Variants in SNX29 observed in about 807,000 individuals in gnomAD.
SNX29 encodes the protein sorting nexin 29.
Under a neutral mutation model 102.1 loss-of-function variants are expected in SNX29, and 78 were observed. The observed-to-expected ratio is 0.76, with a 90% CI of 0.64 to 0.92. The LOEUF (loss-of-function observed/expected upper bound fraction) is 0.92. Ranked by LOEUF, SNX29 falls within the 40% of genes least tolerant of loss-of-function variation. The pLI is 0.00. For synonymous variants in SNX29, 580 were observed against 414.5 expected (o/e 1.40, Z -4.85); for missense variants, 1,280 against 1,061.7 (o/e 1.21, Z -2.86).
intron 13 of SNX29, among the ~76,000 whole-genome samples, chr16:12,199,137 C>A (rs1170634954): frequency 6.6e-6 from 1 of 152,202 alleles, no homozygotes; most frequent in Non-Finnish European, 1.5e-5. Context: ...AGATTCTATA[C>A]AGACACTTGA....
intron 19 of SNX29, among the ~76,000 whole-genome samples, chr16:12,516,259 C>T (rs907947214): frequency 3.9e-5 from 6 of 151,974 alleles, no homozygotes; most frequent in Non-Finnish European, 5.9e-5. Context: ...GAGGGAGGCT[C>T]GCTTAAGCCC....
At chr16:12,060,152 AAC>A (rs1491516257) in intron 8 of SNX29, among the ~76,000 whole-genome samples, 1 of 152,142 alleles carries the variant, frequency 6.6e-6, no homozygotes, top group African/African-American at 2.4e-5. Flanking sequence ...ACCAAAAAAA[AAC>A]CAATAAAAAT....
At chr16:12,277,392 G>A (rs2079285237) in intron 14 of SNX29, among the ~76,000 whole-genome samples, 1 of 151,820 alleles carries the variant, frequency 6.6e-6, no homozygotes, top group Non-Finnish European at 1.5e-5. Context: ...GGTGACAGAG[G>A]AGACCCCATC....
chr16:12,496,529 T>TTTTA (rs1384093862), intron 19 of SNX29, among the ~76,000 whole-genome samples: 1 of 139,772 alleles, frequency 7.2e-6, no homozygotes, highest in African/African-American at 2.6e-5. Context: ...TTTTTTTTTT[T>TTTTA]AAACCTAGTC....
chr16:12,006,552 A>G (rs554762916), intron 3 of SNX29, among the ~76,000 whole-genome samples: 2 of 150,080 alleles, frequency 1.3e-5, no homozygotes, highest in Non-Finnish European at 3.0e-5. Context: ...TAATAGTTAT[A>G]GTTTGTGACT....
At chr16:12,152,402 A>G (rs1178711387) in intron 13 of SNX29, among the ~76,000 whole-genome samples, 1 of 152,182 alleles carries the variant, frequency 6.6e-6, no homozygotes, top group Non-Finnish European at 1.5e-5. Flanking sequence ...TGGTCATTTC[A>G]AGGTTTGGCC....
intron 15 of SNX29, among the ~76,000 whole-genome samples, chr16:12,336,280 T>C (rs998374823): frequency 2.0e-5 from 3 of 152,174 alleles, no homozygotes; most frequent in African/African-American, 7.2e-5. Flanking sequence ...GTATTCAGAA[T>C]AGACTCTCTG....
intron 15 of SNX29, among the ~76,000 whole-genome samples, chr16:12,301,906 T>A (rs567144770): frequency 6.6e-6 from 1 of 152,342 alleles, no homozygotes; most frequent in South Asian, 2.1e-4. Flanking sequence ...ACTATCACTT[T>A]CCTCCTTACC....
At position 12,573,265 on chromosome 16, in the gene SNX29, G is replaced by A; in HGVS notation, c.*4636G>A. On this transcript the variant is annotated 3_prime_UTR_variant, in exon 21 of 21. Coordinates refer to ENST00000566228, the MANE Select transcript of SNX29 (RefSeq NM_032167.5). ...AATGTACCTCGATCAGTCATCTCTG[G>A]TATTCCTCACTCTAGCCATGAGCCA... 1 of 227,546 alleles carries A rather than the reference G, an allele frequency of 4.4e-6. No homozygotes were observed. Among genetic ancestry groups the A allele is most frequent in the Middle Eastern group, 1.3e-3 (1 of 752 alleles). The allele number at this position is 227,546 out of a possible 1,614,324, so 14.1% of individuals were successfully genotyped here.
At chr16:12,539,956 C>T (rs894138361) in intron 20 of SNX29, among the ~76,000 whole-genome samples, 4 of 152,194 alleles carry the variant, frequency 2.6e-5, no homozygotes, top group South Asian at 2.1e-4. Flanking sequence ...CTTTGTCGAA[C>T]ATGTGAGTTG....
chr16:12,227,824 C>T (rs1438215092), intron 14 of SNX29, among the ~76,000 whole-genome samples: 2 of 145,582 alleles, frequency 1.4e-5, no homozygotes, highest in Non-Finnish European at 3.0e-5. Flanking sequence ...TGCTTAAACC[C>T]AGGTGGTGGA....
intron 14 of SNX29, among the ~76,000 whole-genome samples, chr16:12,237,986 C>T (rs938193560): frequency 3.3e-5 from 5 of 152,106 alleles, no homozygotes; most frequent in African/African-American, 1.2e-4. Context: ...GAAGCAACGA[C>T]GCTGGCAGGC....
At chr16:12,180,193 C>A (rs1197497323) in intron 13 of SNX29, among the ~76,000 whole-genome samples, 1 of 151,916 alleles carries the variant, frequency 6.6e-6, no homozygotes, top group Non-Finnish European at 1.5e-5. Flanking sequence ...AAAAAACAAA[C>A]AAAAAACAAA....
intron 16 of SNX29, among the ~76,000 whole-genome samples, chr16:12,362,272 A>G (rs1051697722): frequency 6.6e-6 from 1 of 151,240 alleles, no homozygotes; most frequent in South Asian, 2.1e-4. Context: ...AGTGTAGATG[A>G]AATCCTCCCT....
intron 20 of SNX29, among the ~76,000 whole-genome samples, chr16:12,547,073 G>A (rs1287511794): frequency 1.3e-5 from 2 of 152,330 alleles, no homozygotes; most frequent in African/African-American, 4.8e-5. Flanking sequence ...TAGTGAGGCA[G>A]ACATGCCTAT....
At chr16:12,509,030 C>G (rs556149563) in intron 19 of SNX29, among the ~76,000 whole-genome samples, 3 of 152,300 alleles carry the variant, frequency 2.0e-5, no homozygotes, top group South Asian at 2.1e-4. Flanking sequence ...TTGGCTGGTG[C>G]TAACATTTTG....
chr16:12,038,854 T>C (rs1037548950), intron 4 of SNX29: 5 of 152,148 alleles, frequency 3.3e-5, no homozygotes, highest in Admixed American at 6.5e-5. Flanking sequence ...TCGAAATACG[T>C]TGTTGGCCAG....
At chr16:12,134,810 T>C in intron 13 of SNX29, among the ~76,000 whole-genome samples, 1 of 152,212 alleles carries the variant, frequency 6.6e-6, no homozygotes, top group East Asian at 1.9e-4. Flanking sequence ...ACTACTTGTA[T>C]TAATGTTAGG....
intron 19 of SNX29, among the ~76,000 whole-genome samples, chr16:12,507,715 C>G (rs2089439815): frequency 6.6e-6 from 1 of 152,118 alleles, no homozygotes; most frequent in South Asian, 2.1e-4. Flanking sequence ...GAGAAAACTC[C>G]AGAACCTTTG....
Sources: gnomAD v4.1 joint callset for allele counts (sites outside exome capture counted in the v4.1 genomes callset) on GRCh38, gnomAD v4.1.1 for gene constraint, MANE v1.5 for transcripts, NCBI Gene and HGNC (gene_info 2026-07-23, HGNC 2026-07-21) for gene names.